The following GGA3 variants were observed in gnomAD, a reference collection of about 807,000 sequenced individuals.
GGA3 encodes the protein golgi associated, gamma adaptin ear containing, ARF binding protein 3.
In GGA3, 57 loss-of-function variants were observed where a neutral mutation model predicts 77.5. The ratio of observed to expected loss-of-function variants is 0.74; its 90% CI spans 0.59 to 0.92. The LOEUF (loss-of-function observed/expected upper bound fraction) is 0.92. GGA3 is among the 40% of genes least tolerant of loss of function. GGA3 has a pLI of 0.00. For synonymous variants in GGA3, 416 were observed against 383.7 expected, an observed-to-expected ratio of 1.08 and a Z score of -0.98; for missense variants, 970 against 914.9, an observed-to-expected ratio of 1.06 and a Z score of -0.78.
chr17:75,237,987 G>A lies in GGA3; in HGVS notation c.*292C>T. The A allele has an allele frequency of 8.2e-7, 1 of 1,214,424 alleles. No individual in the cohort carries two copies. The highest frequency in any genetic ancestry group is 1.0e-6 in the Non-Finnish European group (1 of 976,750). The allele number at this position is 1,214,424 out of a possible 1,614,324, so 75.2% of individuals were successfully genotyped here. The stretch of plus-strand genomic sequence containing the variant: ...AGAAGGAAGCAAACACCTACGCCAA[G>A]CCTGGGGGTCCATGTTCCCGGGACA... On this transcript the variant is annotated 3_prime_UTR_variant, in exon 17 of 17. Coordinates refer to ENST00000537686, the MANE Select transcript of GGA3 (RefSeq NM_138619.4).
chr17:75,248,757 G>T, intron 1 of GGA3: 5 of 733,564 alleles, frequency 6.8e-6, no homozygotes, highest in Non-Finnish European at 8.3e-6. Flanking sequence ...TTGCACTCCA[G>T]CCTGGGCAAC....
Position 75,239,447 on chromosome 17 carries a change from G to T in GGA3, c.1708C>A (p.Gln570Lys). 1.3e-6 allele frequency: 2 copies of T among 1,580,804 alleles called. No individual in the cohort carries two copies. The highest frequency in any genetic ancestry group is 1.7e-6 in the Non-Finnish European group (2 of 1,170,970). Residue 570 changes from glutamine to lysine, a missense_variant, in exon 14 of 17, where the codon CAG (glutamine) becomes AAG (lysine). By Grantham distance (53) the Gln-to-Lys change is moderately conservative (BLOSUM62 1). Transcript: ENST00000537686. ...TCAGGCCCCTTCGGGGGGCTGCCCTGGGACTGGAAACTCAGTGGCTGGAAG... is the reference window on the plus strand; with the variant it reads ...TCAGGCCCCTTCGGGGGGCTGCCCTTGGACTGGAAACTCAGTGGCTGGAAG... ...PLFQPLSFQS[Q>K]GSPPKGPELS...
At chr17:75,255,232 G>A (rs2077103238) in intron 1 of GGA3, among the ~76,000 whole-genome samples, 1 of 151,996 alleles carries the variant, frequency 6.6e-6, no homozygotes, top group Non-Finnish European at 1.5e-5. Context: ...TGACAGCCAG[G>A]CTTCTAAACC....
upstream of GGA3, chr17:75,262,004 G>GC (rs537241036): frequency 8.4e-5 from 131 of 1,558,074 alleles, no homozygotes; most frequent in Middle Eastern, 3.5e-4. Context: ...GGCGAGCAGC[G>GC]GCGGGGGGGC....
chr17:75,242,526 C>T (rs1472847247), intron 7 of GGA3, 53 bp from the exon 8 acceptor site: 2 of 1,605,844 alleles, frequency 1.2e-6, no homozygotes, highest in African/African-American at 2.7e-5. Flanking sequence ...ACTGTCTTTC[C>T]ACTTCCACCA....
At chr17:75,239,723 T>C in intron 13 of GGA3, 66 bp downstream of exon 13, 1 of 1,574,144 alleles carries the variant, frequency 6.4e-7, no homozygotes. Flanking sequence ...CCCTTCAAAG[T>C]TAGCTCTGGT....
At chr17:75,261,480 G>A in intron 1 of GGA3, 68 bp downstream of exon 1, 2 of 1,273,958 alleles carry the variant, frequency 1.6e-6, no homozygotes, top group Middle Eastern at 2.8e-4. Context: ...CCGGGGAGGG[G>A]ACGTGGGGGT....
intron 1 of GGA3, 69 bp from the exon 2 acceptor site, chr17:75,246,865 C>T (rs1276728473): frequency 5.7e-5 from 71 of 1,246,494 alleles, no homozygotes; most frequent in Non-Finnish European, 8.0e-5. Context: ...AGGTTTTCTT[C>T]GCAAGTTTTA....
intron 1 of GGA3, among the ~76,000 whole-genome samples, chr17:75,247,337 A>G (rs1878536863): frequency 6.6e-6 from 1 of 150,644 alleles, no homozygotes; most frequent in Admixed American, 6.7e-5. Context: ...ATCTCGGCTC[A>G]TTGCAGCCTC....
At position 75,243,044 on chromosome 17, in the gene GGA3, G is replaced by C. The variant is rs199712513; in HGVS notation, c.528+19C>G. 1 of 1,584,246 alleles carries C rather than the reference G, an allele frequency of 6.3e-7. No homozygotes were observed. The highest frequency in any genetic ancestry group is 8.7e-7 in the Non-Finnish European group (1 of 1,152,872). ...CCCACTCTCGTATGAGAAAATCCCA[G>C]GCCCAGGGTGTCCTTTACCTTGGAC... On this transcript the variant is annotated intron_variant, in intron 6 of 16. Transcript: ENST00000537686.
intron 15 of GGA3, 45 bp downstream of exon 15, chr17:75,238,869 C>T (rs2076417257): frequency 6.2e-7 from 1 of 1,606,132 alleles, no homozygotes; most frequent in South Asian, 1.1e-5. Context: ...CTCTACACAA[C>T]AGGGTCAAGA....
chr17:75,261,913 G>T (rs201375481), upstream of GGA3: 28 of 1,608,826 alleles, frequency 1.7e-5, no homozygotes, highest in Non-Finnish European at 2.3e-5. Context: ...GGCTGCCCCC[G>T]CAGTGAAGGT....
chr17:75,243,407 T>C, intron 5 of GGA3, 40 bp downstream of exon 5: 1 of 1,612,578 alleles, frequency 6.2e-7, no homozygotes, highest in Non-Finnish European at 8.5e-7. Context: ...GGGCCAGCCT[T>C]CGAGGGCTGC....
chr17:75,244,682 T>C lies in GGA3; in HGVS notation c.237A>G (p.Arg79=). 1 of 1,613,870 alleles carries C rather than the reference T, an allele frequency of 6.2e-7. No individual in the cohort carries two copies. The highest frequency in any genetic ancestry group is 8.5e-7 in the Non-Finnish European group (1 of 1,179,820). ...LEACMKNCGR[R]FHNEVGKFRF... ...GGAACTTCCCCACTTCGTTATGAAA[T>C]CTCCTCCCACAGTTCTTCATGCATG... The change falls in exon 4 of 17, where the codon AGA becomes AGG. Residue 79 remains arginine, a synonymous_variant. Transcript: ENST00000537686.
At chr17:75,261,907 G>C (rs1056759007), upstream of GGA3, 1 of 1,608,596 alleles carries the variant, frequency 6.2e-7, no homozygotes, top group Admixed American at 1.7e-5. Flanking sequence ...CAAGATGGCT[G>C]CCCCCGCAGT....
chr17:75,252,733 C>G lies in GGA3; in HGVS notation c.41-5937G>C, dbSNP rs556517265. Among the ~76,000 whole-genome samples, 18 of 152,320 alleles carry G rather than the reference C, an allele frequency of 1.2e-4. No individual in the cohort carries two copies. The South Asian group carries it at 2.1e-3, about 18-fold the overall frequency. On this transcript the variant is annotated intron_variant, in intron 1 of 16. Coordinates refer to ENST00000537686, the MANE Select transcript of GGA3 (RefSeq NM_138619.4). ...ACAAAAGATGTAAAAATAGCCTTAC[C>G]TGATGACATTCCAGCATTGTGATTT...
chr17:75,251,908 G>C (rs2076979471), intron 1 of GGA3, among the ~76,000 whole-genome samples: 1 of 151,538 alleles, frequency 6.6e-6, no homozygotes, highest in Non-Finnish European at 1.5e-5. Flanking sequence ...TGGGACCACA[G>C]ACACTCACAT....
chr17:75,252,132 T>G (rs1467762764), intron 1 of GGA3, among the ~76,000 whole-genome samples: 1 of 151,612 alleles, frequency 6.6e-6, no homozygotes, highest in Non-Finnish European at 1.5e-5. Context: ...CAGGTTGGAG[T>G]GCAGTGGCTC....
At chr17:75,253,694 C>T (rs899461554) in intron 1 of GGA3, among the ~76,000 whole-genome samples, 9 of 152,234 alleles carry the variant, frequency 5.9e-5, no homozygotes, top group Non-Finnish European at 8.8e-5. Context: ...TCTGTGTGCC[C>T]CAATCCCTTA....
Sources: allele counts gnomAD v4.1 joint callset (sites outside exome capture counted in the v4.1 genomes callset), GRCh38; gene constraint gnomAD v4.1.1; transcripts MANE v1.5; gene names NCBI Gene and HGNC (gene_info 2026-07-23, HGNC 2026-07-21).